RGS6: variants seen among roughly 807,000 people sequenced by gnomAD.
The protein encoded by RGS6 is regulator of G protein signaling 6.
Under a neutral mutation model 78.5 loss-of-function variants are expected in RGS6, and 30 were observed. That is an observed-to-expected ratio of 0.38 (90% CI 0.29 to 0.52). RGS6 has a LOEUF of 0.52. RGS6 is among the 20% of genes least tolerant of loss of function. RGS6 has a pLI of 0.85. For missense variants in RGS6, 495 were observed against 609.7 expected (o/e 0.81, Z 1.98); for synonymous variants, 206 against 206.0 (o/e 1.00, Z 0.00).
Position 72,074,277 on chromosome 14 carries a change from G to A in RGS6, c.84+109402G>A, listed in dbSNP as rs186490755. Among the ~76,000 whole-genome samples, 573 of 152,288 alleles carry A rather than the reference G, an allele frequency of 3.8e-3. 1 individual carries two copies. The highest frequency in any genetic ancestry group is 0.013 in the African/African-American group (558 of 41,552). On this transcript the variant is annotated intron_variant, in intron 2 of 17. Coordinates refer to ENST00000553525, the MANE Select transcript of RGS6 (RefSeq NM_001204424.2). ...AGTGGTGTGATCATAGCGCACTGCA[G>A]CCTCAAACTTCTAGACTCAAGGGAT...
intron 2 of RGS6, among the ~76,000 whole-genome samples, chr14:71,987,666 T>G (rs2094775682): frequency 6.6e-6 from 1 of 152,020 alleles, no homozygotes; most frequent in Non-Finnish European, 1.5e-5. Flanking sequence ...ACTACAGGCA[T>G]GCACCACCAC....
rs958323079 is a variant in RGS6 at position 72,299,490 on chromosome 14, A to T, written c.85-52605A>T. Among the ~76,000 whole-genome samples the T allele has an allele frequency of 3.9e-5, 6 of 152,268 alleles. No individual in the cohort carries two copies. In the East Asian group the frequency reaches 1.2e-3, roughly 29 times the overall value. On this transcript the variant is annotated intron_variant, in intron 2 of 17. Coordinates refer to ENST00000553525, the MANE Select transcript of RGS6 (RefSeq NM_001204424.2). ...ACACATTTTTATTTCTCTTGGGAAT[A>T]TACCTAGGGGAAGAATTTCTGGATC...
chr14:72,594,446 C>G, the RGS6 span: 1 of 152,192 alleles, frequency 6.6e-6, no homozygotes, highest in Non-Finnish European at 1.5e-5. Context: ...GATTGCTTCC[C>G]CCAGCCTTCT....
At chr14:72,143,692 C>T (rs931497637) in intron 2 of RGS6, among the ~76,000 whole-genome samples, 1 of 152,044 alleles carries the variant, frequency 6.6e-6, no homozygotes. Flanking sequence ...ATTCCTAGAC[C>T]TTTCTTCTAT....
intron 2 of RGS6, among the ~76,000 whole-genome samples, chr14:72,074,968 TG>T (rs1426098625): frequency 6.6e-6 from 1 of 152,228 alleles, no homozygotes; most frequent in East Asian, 1.9e-4. Flanking sequence ...TACTTTTAAA[TG>T]AACTGCCTTT....
At chr14:72,380,214 C>G (rs2085715362) in intron 3 of RGS6, among the ~76,000 whole-genome samples, 1 of 151,934 alleles carries the variant, frequency 6.6e-6, no homozygotes, top group Non-Finnish European at 1.5e-5. Flanking sequence ...AAATATAAAA[C>G]TAGTACAAGA....
chr14:72,274,873 G>A (rs2060449928), intron 2 of RGS6, among the ~76,000 whole-genome samples: 1 of 152,344 alleles, frequency 6.6e-6, no homozygotes, highest in Admixed American at 6.5e-5. Context: ...GCTGCTTTAA[G>A]TCACTGAGTT....
At chr14:72,597,034 T>C in the RGS6 span, among the ~76,000 whole-genome samples, 2 of 151,876 alleles carry the variant, frequency 1.3e-5, no homozygotes, top group African/African-American at 2.4e-5. Flanking sequence ...AGGTCAGGAG[T>C]TCGAGACCAG....
chr14:72,538,152 A>G (rs2097274607), intron 16 of RGS6, among the ~76,000 whole-genome samples: 1 of 152,200 alleles, frequency 6.6e-6, no homozygotes, highest in South Asian at 2.1e-4. Context: ...GAGAGTCTCC[A>G]GGTATGGATC....
chr14:72,069,958 C>T (rs2094342731), intron 2 of RGS6, among the ~76,000 whole-genome samples: 1 of 152,202 alleles, frequency 6.6e-6, no homozygotes, highest in Non-Finnish European at 1.5e-5. Flanking sequence ...GAATCACCTT[C>T]TTCAACTTGG....
intron 2 of RGS6, among the ~76,000 whole-genome samples, chr14:72,195,749 G>A (rs769622069): frequency 3.9e-5 from 6 of 152,206 alleles, no homozygotes; most frequent in Non-Finnish European, 8.8e-5. Flanking sequence ...ATTTGACGGT[G>A]GTGTGTAGAG....
At chr14:72,066,427 CAAGAT>C (rs1248545104) in intron 2 of RGS6, among the ~76,000 whole-genome samples, 1 of 150,920 alleles carries the variant, frequency 6.6e-6, no homozygotes, top group Non-Finnish European at 1.5e-5. Flanking sequence ...TTTAAATACA[CAAGAT>C]AATAGAATTG....
intron 2 of RGS6, among the ~76,000 whole-genome samples, chr14:72,189,386 G>T (rs992442516): frequency 2.0e-5 from 3 of 152,156 alleles, no homozygotes; most frequent in Non-Finnish European, 4.4e-5. Context: ...TAGTCTGAAG[G>T]GGGAGAGAGC....
intron 2 of RGS6, among the ~76,000 whole-genome samples, chr14:72,188,283 A>T (rs116655928): frequency 0.01 from 1,553 of 152,154 alleles, 32 homozygotes; most frequent in African/African-American, 0.035. Context: ...AGTTGATGAA[A>T]ATGTGACCAG....
the RGS6 span, among the ~76,000 whole-genome samples, chr14:72,575,656 A>G: frequency 1.3e-5 from 2 of 152,194 alleles, no homozygotes; most frequent in African/African-American, 4.8e-5. Flanking sequence ...AAAATAGCTA[A>G]AAGAGAAGGT....
intron 2 of RGS6, among the ~76,000 whole-genome samples, chr14:72,097,250 T>G (rs958062373): frequency 2.0e-5 from 3 of 152,182 alleles, no homozygotes; most frequent in African/African-American, 7.2e-5. Flanking sequence ...AGCTTTGAGG[T>G]GCAATTTCTA....
chr14:71,986,734 C>T (rs542479841), intron 2 of RGS6, among the ~76,000 whole-genome samples: 10 of 152,072 alleles, frequency 6.6e-5, no homozygotes, highest in Non-Finnish European at 1.3e-4. Context: ...CCAAGAAACC[C>T]CACAAATGCA....
chr14:72,386,227 G>T (rs1388519581), intron 3 of RGS6, among the ~76,000 whole-genome samples: 2 of 152,072 alleles, frequency 1.3e-5, no homozygotes, highest in African/African-American at 2.4e-5. Context: ...AATCATGTTT[G>T]ATGTCAAAAT....
At chr14:72,566,682 C>CACACACACA, downstream of RGS6, among the ~76,000 whole-genome samples, 1 of 131,678 alleles carries the variant, frequency 7.6e-6, no homozygotes, top group African/African-American at 2.9e-5. Flanking sequence ...CACACACACA[C>CACACACACA]CTGTTTCCTT....
Sources: allele counts gnomAD v4.1 joint callset (sites outside exome capture counted in the v4.1 genomes callset), GRCh38; gene constraint gnomAD v4.1.1; transcripts MANE v1.5; gene names NCBI Gene and HGNC (gene_info 2026-07-23, HGNC 2026-07-21).